Variants in GGT5 observed in about 807,000 individuals in gnomAD.
GGT5 encodes gamma-glutamyltransferase 5.
In GGT5, 50 loss-of-function variants were observed where a neutral mutation model predicts 58.1. That is an observed-to-expected ratio of 0.86 (90% CI 0.69 to 1.09). The LOEUF is 1.09. GGT5 is among the 50% of genes least tolerant of loss of function. The pLI, the probability that GGT5 is intolerant of heterozygous loss-of-function variation, is 0.00. For missense variants in GGT5, 800 were observed against 789.4 expected, an observed-to-expected ratio of 1.01 and a Z score of -0.16; for synonymous variants, 370 against 346.1, an observed-to-expected ratio of 1.07 and a Z score of -0.77.
At position 24,232,842 on chromosome 22, in the gene GGT5, A is replaced by G; in HGVS notation, c.577T>C (p.Leu193=). 1 of 1,548,164 alleles carries G rather than the reference A, an allele frequency of 6.5e-7. No individual in the cohort carries two copies. The highest frequency in any genetic ancestry group is 8.7e-7 in the Non-Finnish European group (1 of 1,143,628). ...GCTCACCGCAGGGTTGACGCCTGCA[A>G]GGAAGGCCGCAGGATGCTGTTGTGC... The part of the protein sequence containing the change: ...FLHNSILRPS[L]QASTLRQLFF... The change falls in exon 4 of 12, where the codon TTG becomes CTG. Residue 193 remains leucine, a synonymous_variant. Coordinates refer to ENST00000327365, the MANE Select transcript of GGT5 (RefSeq NM_004121.5).
intron 1 of GGT5, among the ~76,000 whole-genome samples, chr22:24,239,201 T>C (rs914408025): frequency 3.3e-5 from 5 of 150,260 alleles, no homozygotes; most frequent in African/African-American, 1.2e-4. Context: ...TAGCCAGGCG[T>C]GGTGGCGGGT....
intron 5 of GGT5, among the ~76,000 whole-genome samples, chr22:24,231,835 G>A (rs1054182563): frequency 2.0e-5 from 3 of 152,096 alleles, no homozygotes; most frequent in African/African-American, 4.8e-5. Flanking sequence ...CATCGGTAAC[G>A]CCCCTCTGCT....
intron 1 of GGT5, chr22:24,242,466 T>TG (rs2048351804): frequency 6.6e-6 from 1 of 152,112 alleles, no homozygotes; most frequent in Non-Finnish European, 1.5e-5. Flanking sequence ...GCGTGGTGGC[T>TG]AGCACCTGTA....
chr22:24,244,316 CCCA>C (rs1569379020), intron 1 of GGT5: 52 of 340,464 alleles, frequency 1.5e-4, no homozygotes, highest in African/African-American at 7.1e-4. Context: ...CACACACACA[CCCA>C]CCCACACATA....
chr22:24,244,311 A>C (rs2048407495), intron 1 of GGT5: 3 of 494,560 alleles, frequency 6.1e-6, no homozygotes, highest in East Asian at 6.6e-5. Flanking sequence ...ACACACACAC[A>C]CACACCCACC....
Position 24,225,573 on chromosome 22 carries a change from G to C in GGT5, c.1309C>G (p.Arg437Gly). The C allele has an allele frequency of 6.2e-7, 1 of 1,610,210 alleles. No homozygotes were observed. Among genetic ancestry groups the C allele is most frequent in the South Asian group, 1.1e-5 (1 of 90,990 alleles). ...ELLDLCERCPRGSGTTPSPVS... is the reference protein window; with the variant it reads ...ELLDLCERCPGGSGTTPSPVS... Reference sequence around the variant, plus strand: ...GGTGAGGGGGTGGTGCCGGAACCCCGGGGGCATCGCTCGCATAAGTCCAGG... The same window carrying C: ...GGTGAGGGGGTGGTGCCGGAACCCCCGGGGCATCGCTCGCATAAGTCCAGG... Residue 437 changes from arginine (R) to glycine (G), a missense_variant, in exon 9 of 12, where the codon CGG becomes GGG. Coordinates refer to ENST00000327365, the MANE Select transcript of GGT5 (RefSeq NM_004121.5).
At chr22:24,220,586 T>TA (rs1197341826) in intron 11 of GGT5, 1 of 453,076 alleles carries the variant, frequency 2.2e-6, no homozygotes, top group African/African-American at 2.0e-5. Flanking sequence ...ATCCTGTTTC[T>TA]AAAAAATAAA....
chr22:24,221,255 G>A (rs1012838846), intron 11 of GGT5, among the ~76,000 whole-genome samples: 2 of 152,140 alleles, frequency 1.3e-5, no homozygotes, highest in African/African-American at 2.4e-5. Context: ...GACTGCCTTC[G>A]TAGGACTCAC....
chr22:24,233,141 C>T, intron 3 of GGT5, 123 bp from the exon 4 acceptor site: 3 of 714,850 alleles, frequency 4.2e-6, no homozygotes, highest in Non-Finnish European at 6.6e-6. Flanking sequence ...CCACACCCGA[C>T]CACGTCCCTC....
chr22:24,236,150 AT>A (rs1398634801), intron 1 of GGT5, among the ~76,000 whole-genome samples: 2 of 152,164 alleles, frequency 1.3e-5, no homozygotes, highest in Non-Finnish European at 2.9e-5. Flanking sequence ...TCTAAGAAAC[AT>A]TTCAAACATA....
chr22:24,238,769 AT>A lies in GGT5; in HGVS notation c.174-4766del, dbSNP rs1260000463. 3.0e-4 allele frequency among the ~76,000 whole-genome samples: 11 copies of A among 36,538 alleles called. 3 individuals are homozygous for A. Among genetic ancestry groups the A allele is most frequent in the Non-Finnish European group, 4.9e-4 (11 of 22,308 alleles). 24.0% of individuals were successfully genotyped at this position (36,538 alleles called of 152,430 possible). ...GTGTGTATATATATGGAATATATAT[AT>A]ATATATATAATATATATTATATATT... On this transcript the variant is annotated intron_variant, in intron 1 of 11. Coordinates refer to ENST00000327365, the MANE Select transcript of GGT5 (RefSeq NM_004121.5).
At position 24,226,638 on chromosome 22, in the gene GGT5, T is replaced by A; in HGVS notation, c.1031A>T (p.Lys344Met). The A allele has an allele frequency of 6.2e-7, 1 of 1,614,044 alleles. No individual in the cohort carries two copies. Among genetic ancestry groups the A allele is most frequent in the Non-Finnish European group, 8.5e-7 (1 of 1,179,954 alleles). Residue 344 changes from lysine to methionine, a missense_variant, in exon 7 of 12, where the codon AAG (lysine) becomes ATG (methionine). Lys to Met is a moderately conservative substitution (Grantham distance 95). Transcript: ENST00000327365. ...WRLGDPRSHP[K>M]LQNASRDLLG... ...CAACCTCAGCAACCTCACCTGGAGC[T>A]TCGGGTGGCTTCGAGGGTCCCCCAG...
At position 24,220,043 on chromosome 22, in the gene GGT5, G is replaced by T. The variant is rs2047543661; in HGVS notation, c.1688C>A (p.Ala563Asp). Residue 563 changes from alanine to aspartate, a missense_variant, in exon 12 of 12, where the codon GCT (alanine) becomes GAT (aspartate). Coordinates refer to ENST00000327365, the MANE Select transcript of GGT5 (RefSeq NM_004121.5). ...CACACAGGCCCCCTCCTGGGACACA[G>T]CCTGGACCACGTTCAGGAAGAAGGG... is the stretch of plus-strand genomic sequence containing the variant. ...QRPFFLNVVQAVSQEGACVYA... is the reference protein window; with the variant it reads ...QRPFFLNVVQDVSQEGACVYA... The T allele has an allele frequency of 1.2e-6, 2 of 1,613,892 alleles. No homozygotes were observed. Among genetic ancestry groups the T allele is most frequent in the Admixed American group, 1.7e-5 (1 of 59,994 alleles).
chr22:24,225,398 C>T lies in GGT5; in HGVS notation c.1350G>A (p.Arg450=). 6.2e-7 allele frequency: 1 copy of T among 1,606,234 alleles called. No individual in the cohort carries two copies. Among genetic ancestry groups the T allele is most frequent in the South Asian group, 1.1e-5 (1 of 90,014 alleles). The change falls in exon 10 of 12, where the codon AGG becomes AGA. Residue 450 remains arginine, a synonymous_variant. Coordinates refer to ENST00000327365, the MANE Select transcript of GGT5 (RefSeq NM_004121.5). ...AGCACCTTCCGGGAGCTCCACCCAC[C>T]CTGTCTCCACTCACTGCTGAGCAAA... ...GTTPSPVSGD[R]VGGAPGRCWP... is the part of the protein sequence containing the mutation.
chr22:24,227,246 C>T (rs1014040837), intron 6 of GGT5, among the ~76,000 whole-genome samples: 5 of 150,908 alleles, frequency 3.3e-5, no homozygotes, highest in African/African-American at 2.4e-5. Flanking sequence ...CATCATGCCC[C>T]GCCTTTTTTG....
chr22:24,229,769 T>C (rs2047884675), intron 6 of GGT5, among the ~76,000 whole-genome samples: 1 of 151,678 alleles, frequency 6.6e-6, no homozygotes, highest in Admixed American at 6.6e-5. Flanking sequence ...GAGAATTGCT[T>C]GAACCTCAGA....
At position 24,226,106 on chromosome 22, in the gene GGT5, G is replaced by T; in HGVS notation, c.1199C>A (p.Ala400Asp). 1.2e-6 allele frequency: 2 copies of T among 1,604,804 alleles called. No homozygotes were observed. The highest frequency in any genetic ancestry group is 1.7e-6 in the Non-Finnish European group (2 of 1,175,406). The part of the protein sequence containing the change: ...HVSVLGEDGS[A>D]VAATSTINTP... Reference sequence around the variant, plus strand: ...GTTGATGGTGCTGGTGGCAGCCACGGCGCTGCCATCCTCCCCCAGCACAGA... The same window carrying T: ...GTTGATGGTGCTGGTGGCAGCCACGTCGCTGCCATCCTCCCCCAGCACAGA... Residue 400 changes from alanine to aspartate, a missense_variant, in exon 8 of 12, where the codon GCC (alanine) becomes GAC (aspartate). Physicochemically the swap from Ala to Asp is moderately radical, Grantham distance 126. Transcript: ENST00000327365.
intron 11 of GGT5, among the ~76,000 whole-genome samples, chr22:24,222,868 G>T (rs1348364133): frequency 6.6e-6 from 1 of 152,062 alleles, no homozygotes; most frequent in Non-Finnish European, 1.5e-5. Flanking sequence ...ACAAGGTCAG[G>T]AGATCGAGAC....
At chr22:24,238,257 C>T (rs1184450418) in intron 1 of GGT5, among the ~76,000 whole-genome samples, 34 of 143,284 alleles carry the variant, frequency 2.4e-4, no homozygotes, top group African/African-American at 7.3e-4. Flanking sequence ...AGGCCAGGCG[C>T]GGTGACTCAC....
Sources: gnomAD v4.1 joint callset for allele counts (sites outside exome capture counted in the v4.1 genomes callset) on GRCh38, gnomAD v4.1.1 for gene constraint, MANE v1.5 for transcripts, NCBI Gene and HGNC (gene_info 2026-07-23, HGNC 2026-07-21) for gene names.